Variants in TRPM3 observed in about 807,000 individuals in gnomAD.
The protein encoded by TRPM3 is transient receptor potential cation channel subfamily M member 3, also known as long transient receptor potential channel 3.
A neutral mutation model predicts 181.2 loss-of-function variants in TRPM3; 77 were observed. The ratio of observed to expected loss-of-function variants is 0.42; its 90% CI spans 0.35 to 0.51. The LOEUF (loss-of-function observed/expected upper bound fraction) is 0.51. TRPM3 is among the 20% of genes least tolerant of loss of function. The pLI is 0.01. For missense variants in TRPM3, 1,759 were observed against 2,196.7 expected, an observed-to-expected ratio of 0.80 and a Z score of 3.98; for synonymous variants, 745 against 796.4, an observed-to-expected ratio of 0.94 and a Z score of 1.09.
At chr9:70,687,200 T>C (rs1444325275) in intron 8 of TRPM3, among the ~76,000 whole-genome samples, 1 of 152,204 alleles carries the variant, frequency 6.6e-6, no homozygotes, top group Non-Finnish European at 1.5e-5. Context: ...TGAGCACTTA[T>C]AGAATCTGCT....
At chr9:70,816,992 G>T (rs528316633) in intron 6 of TRPM3, among the ~76,000 whole-genome samples, 99 of 152,292 alleles carry the variant, frequency 6.5e-4, no homozygotes, top group African/African-American at 2.2e-3. Flanking sequence ...TATGAGTGAG[G>T]TTCTTCAATG....
intron 1 of TRPM3, among the ~76,000 whole-genome samples, chr9:71,268,553 G>A (rs751089387): frequency 1.3e-4 from 20 of 152,074 alleles, no homozygotes; most frequent in East Asian, 5.8e-4. Context: ...GGCTGGGCAC[G>A]GTGGCTCACG....
intron 1 of TRPM3, among the ~76,000 whole-genome samples, chr9:71,011,792 T>G (rs1159286225): frequency 6.7e-6 from 1 of 149,886 alleles, no homozygotes; most frequent in Middle Eastern, 3.4e-3. Context: ...GTTTTTTTGT[T>G]TTTTTTCAGA....
At chr9:70,817,125 A>G (rs1361945241) in intron 6 of TRPM3, among the ~76,000 whole-genome samples, 2 of 152,194 alleles carry the variant, frequency 1.3e-5, no homozygotes, top group Admixed American at 1.3e-4. Context: ...CCTTTCCTTC[A>G]TACTGATAGG....
chr9:70,538,587 C>T (rs539262208), intron 25 of TRPM3, among the ~76,000 whole-genome samples: 27 of 151,714 alleles, frequency 1.8e-4, no homozygotes, highest in African/African-American at 6.3e-4. Flanking sequence ...TGCTACCATG[C>T]TAGCTGTTTT....
intron 1 of TRPM3, among the ~76,000 whole-genome samples, chr9:70,940,784 A>G (rs1318133652): frequency 6.6e-6 from 1 of 151,932 alleles, no homozygotes; most frequent in Non-Finnish European, 1.5e-5. Context: ...AGGGAAGGAG[A>G]AGGTTTTATG....
intron 1 of TRPM3, among the ~76,000 whole-genome samples, chr9:71,055,392 T>A (rs982198868): frequency 2.0e-5 from 3 of 152,028 alleles, no homozygotes; most frequent in Non-Finnish European, 4.4e-5. Flanking sequence ...AAATTATAGG[T>A]GTCTTCAAGA....
intron 3 of TRPM3, among the ~76,000 whole-genome samples, chr9:70,862,419 G>A (rs959389733): frequency 6.6e-6 from 1 of 152,038 alleles, no homozygotes; most frequent in East Asian, 1.9e-4. Flanking sequence ...TAATTTCGAT[G>A]GCAATATTTC....
intron 7 of TRPM3, among the ~76,000 whole-genome samples, chr9:70,767,368 T>G (rs1465561338): frequency 6.6e-6 from 1 of 152,212 alleles, no homozygotes; most frequent in Non-Finnish European, 1.5e-5. Context: ...GCCTTCTGTG[T>G]GCCAGGCACT....
At chr9:70,765,581 G>C (rs959592537) in intron 7 of TRPM3, among the ~76,000 whole-genome samples, 1 of 151,970 alleles carries the variant, frequency 6.6e-6, no homozygotes, top group Admixed American at 6.6e-5. Flanking sequence ...AGCAAAGCAC[G>C]ACTCCATCTC....
intron 1 of TRPM3, among the ~76,000 whole-genome samples, chr9:70,936,762 G>A (rs2096832235): frequency 6.6e-6 from 1 of 152,186 alleles, no homozygotes. Flanking sequence ...CTCCAGAAGA[G>A]AGCTGTCCCT....
intron 1 of TRPM3, among the ~76,000 whole-genome samples, chr9:70,949,954 C>T (rs1332497317): frequency 6.6e-6 from 1 of 152,064 alleles, no homozygotes; most frequent in Non-Finnish European, 1.5e-5. Flanking sequence ...TTGATAGAGT[C>T]CATGTGAAAC....
In TRPM3 at chr9:70,531,295, AAAG is replaced by A. The variant is rs2040838632; in HGVS notation, c.*4655_*4657del. The A allele has an allele frequency of 6.6e-6, 1 of 152,230 alleles. No homozygotes were observed. Among genetic ancestry groups the A allele is most frequent in the Non-Finnish European group, 1.5e-5 (1 of 68,046 alleles). The allele number at this position is 152,230 out of a possible 1,614,324, so 9.4% of individuals were successfully genotyped here. A position where few individuals can be genotyped will look rare whatever the true frequency, so the allele number is the denominator to read the frequency against. ...ATATTATTTGTTCAGTGCTTAAAAAAAAGATTTAAAAATCCCTTGGTTACTTTT... is the reference window on the plus strand; with the variant it reads ...ATATTATTTGTTCAGTGCTTAAAAAAATTTAAAAATCCCTTGGTTACTTTT... On this transcript the variant is annotated 3_prime_UTR_variant, in exon 26 of 26. Transcript: ENST00000677713.
chr9:70,774,539 C>T (rs2080973664), intron 7 of TRPM3: 1 of 152,110 alleles, frequency 6.6e-6, no homozygotes, highest in Admixed American at 6.6e-5. Flanking sequence ...GTTGGCAACT[C>T]TAACCTCATG....
chr9:71,068,150 G>C (rs929140244), intron 1 of TRPM3, among the ~76,000 whole-genome samples: 1 of 152,188 alleles, frequency 6.6e-6, no homozygotes, highest in Non-Finnish European at 1.5e-5. Flanking sequence ...TCAAAAAGGG[G>C]AAAGATAAGT....
At chr9:71,121,680 C>A (rs2073666508), upstream of TRPM3, 3 of 1,084,696 alleles carry the variant, frequency 2.8e-6, no homozygotes, top group East Asian at 6.1e-5. Context: ...GGGGGGGAAC[C>A]GGGGCCATTG....
intron 1 of TRPM3, among the ~76,000 whole-genome samples, chr9:70,930,487 A>T (rs937356120): frequency 6.6e-6 from 1 of 152,274 alleles, no homozygotes; most frequent in African/African-American, 2.4e-5. Context: ...TGTAATATGC[A>T]TATTATTGAC....
intron 1 of TRPM3, among the ~76,000 whole-genome samples, chr9:71,273,700 T>C (rs1477832468): frequency 3.9e-5 from 6 of 152,180 alleles, no homozygotes; most frequent in African/African-American, 4.8e-5. Flanking sequence ...TGGAACTCTT[T>C]GGGGAGATAA....
chr9:70,904,827 T>C (rs1307113098), intron 1 of TRPM3, among the ~76,000 whole-genome samples: 1 of 152,200 alleles, frequency 6.6e-6, no homozygotes, highest in African/African-American at 2.4e-5. Flanking sequence ...CATTGAACAA[T>C]GGTTTCTTTT....
Sources: gnomAD v4.1 joint callset for allele counts (sites outside exome capture counted in the v4.1 genomes callset) on GRCh38, gnomAD v4.1.1 for gene constraint, MANE v1.5 for transcripts, NCBI Gene and HGNC (gene_info 2026-07-23, HGNC 2026-07-21) for gene names.